Variants in PPP2R2B observed in about 807,000 individuals in gnomAD.
The protein encoded by PPP2R2B is protein phosphatase 2 regulatory subunit Bbeta.
In PPP2R2B, 5 loss-of-function variants were observed where a neutral mutation model predicts 46.0. The observed-to-expected ratio is 0.11, with a 90% CI of 0.06 to 0.23. The LOEUF is 0.23. Among genes scored for constraint, PPP2R2B ranks in the 10% least tolerant of loss-of-function variants. The pLI, the probability that PPP2R2B is intolerant of heterozygous loss-of-function variation, is 1.00. For missense variants in PPP2R2B, 367 were observed against 575.0 expected (o/e 0.64, Z 3.70); for synonymous variants, 215 against 206.7 (o/e 1.04, Z -0.34).
intron 2 of PPP2R2B, among the ~76,000 whole-genome samples, chr5:146,865,330 T>G (rs954584638): frequency 2.8e-5 from 4 of 144,794 alleles, no homozygotes; most frequent in Non-Finnish European, 4.6e-5. Context: ...ACACACACAC[T>G]GAGCCTGGAA....
intron 1 of PPP2R2B, among the ~76,000 whole-genome samples, chr5:146,988,249 G>A (rs1390096578): frequency 2.0e-5 from 3 of 151,814 alleles, no homozygotes; most frequent in Admixed American, 6.5e-5. Context: ...GGAATTAAAC[G>A]ACAGTCTAGA....
intron 2 of PPP2R2B, among the ~76,000 whole-genome samples, chr5:147,072,628 G>T (rs1258636353): frequency 1.3e-5 from 2 of 152,110 alleles, no homozygotes; most frequent in Admixed American, 6.5e-5. Flanking sequence ...TTGCAGCAAA[G>T]GTGGAATGAG....
chr5:146,806,137 GGA>G (rs1451005639), intron 2 of PPP2R2B, among the ~76,000 whole-genome samples: 1 of 152,110 alleles, frequency 6.6e-6, no homozygotes, highest in African/African-American at 2.4e-5. Flanking sequence ...AAGAAGCTAG[GGA>G]GACAGTGTGT....
chr5:146,788,327 A>C (rs1582104882), intron 2 of PPP2R2B, among the ~76,000 whole-genome samples: 1 of 149,434 alleles, frequency 6.7e-6, no homozygotes, highest in Admixed American at 6.7e-5. Flanking sequence ...TCTTTAGCAC[A>C]CCCTGGTTTA....
chr5:147,016,506 A>T (rs975127707), intron 1 of PPP2R2B, among the ~76,000 whole-genome samples: 2 of 151,914 alleles, frequency 1.3e-5, no homozygotes, highest in African/African-American at 2.4e-5. Flanking sequence ...ACTTGTAGTT[A>T]AAAAATATCC....
rs1368107632 is a variant in PPP2R2B at position 146,581,892 on chromosome 5, C to T, written c.*8055G>A. On this transcript the variant is annotated 3_prime_UTR_variant, in exon 10 of 10. Coordinates refer to ENST00000394411, the MANE Select transcript of PPP2R2B (RefSeq NM_181675.4). ...ATATGACTTTCAATTATGCCACAGTCAGAGAAGCTGAAATAAGAAAGCCAC... is the reference window on the plus strand; with the variant it reads ...ATATGACTTTCAATTATGCCACAGTTAGAGAAGCTGAAATAAGAAAGCCAC... 1 of 152,190 alleles carries T rather than the reference C, an allele frequency of 6.6e-6. No individual in the cohort carries two copies. Among genetic ancestry groups the T allele is most frequent in the African/African-American group, 2.4e-5 (1 of 41,442 alleles). The allele number at this position is 152,190 out of a possible 1,614,324, so 9.4% of individuals were successfully genotyped here. A position where few individuals can be genotyped will look rare whatever the true frequency, so the allele number is the denominator to read the frequency against.
At chr5:146,796,679 T>G (rs1756559570) in intron 2 of PPP2R2B, among the ~76,000 whole-genome samples, 1 of 152,164 alleles carries the variant, frequency 6.6e-6, no homozygotes, top group Non-Finnish European at 1.5e-5. Flanking sequence ...GAAGTCCTAT[T>G]TACAAACCTA....
rs141049802 is a variant in PPP2R2B, at chr5:146,929,888, A to G, written c.79+125777T>C. On this transcript the variant is annotated intron_variant, in intron 1 of 8. Coordinates refer to the PPP2R2B transcript ENST00000336640. ...GGTTTGGGGTTAGAATTAAGATAAT[A>G]TAAGTAAAGAGGGCCTAATACATAG... Among the ~76,000 whole-genome samples, 568 of 152,308 alleles carry G rather than the reference A, an allele frequency of 3.7e-3. 11 individuals carry two copies. The highest frequency in any genetic ancestry group is 0.032 in the Admixed American group (486 of 15,274).
At chr5:146,808,220 C>G (rs1249699501) in intron 2 of PPP2R2B, among the ~76,000 whole-genome samples, 2 of 152,156 alleles carry the variant, frequency 1.3e-5, no homozygotes, top group South Asian at 4.1e-4. Context: ...TAGCCACATA[C>G]AGTGATTCAA....
chr5:147,003,305 CA>C (rs901206253), intron 1 of PPP2R2B, among the ~76,000 whole-genome samples: 1 of 151,842 alleles, frequency 6.6e-6, no homozygotes, highest in African/African-American at 2.4e-5. Context: ...TCCAAAGGAC[CA>C]AAAAAACCCC....
chr5:147,062,184 C>G (rs1472350479), intron 2 of PPP2R2B, among the ~76,000 whole-genome samples: 2 of 152,170 alleles, frequency 1.3e-5, no homozygotes, highest in African/African-American at 4.8e-5. Flanking sequence ...GCCCAGAGTA[C>G]TCAGGACCAT....
chr5:146,987,692 G>T (rs998411683), intron 1 of PPP2R2B, among the ~76,000 whole-genome samples: 7 of 151,746 alleles, frequency 4.6e-5, no homozygotes, highest in African/African-American at 1.7e-4. Flanking sequence ...CCCAAAAGAA[G>T]ACAGTAAGAG....
chr5:146,668,472 C>T (rs1224870530), intron 5 of PPP2R2B, among the ~76,000 whole-genome samples: 1 of 152,188 alleles, frequency 6.6e-6, no homozygotes, highest in Non-Finnish European at 1.5e-5. Flanking sequence ...GAGCCCTTTT[C>T]ATGGCAATCA....
intron 5 of PPP2R2B, among the ~76,000 whole-genome samples, chr5:146,686,780 G>A (rs1245253785): frequency 6.6e-6 from 1 of 152,096 alleles, no homozygotes; most frequent in Middle Eastern, 3.2e-3. Context: ...TACCCTGCAG[G>A]GAGAAGTATG....
chr5:146,962,832 G>T (rs1302205228), intron 1 of PPP2R2B, among the ~76,000 whole-genome samples: 4 of 152,014 alleles, frequency 2.6e-5, no homozygotes, highest in Admixed American at 2.6e-4. Flanking sequence ...TCTAACTCAG[G>T]TCTCAATGAC....
chr5:146,641,853 AT>A (rs928316388), intron 6 of PPP2R2B, among the ~76,000 whole-genome samples: 1 of 151,888 alleles, frequency 6.6e-6, no homozygotes, highest in African/African-American at 2.4e-5. Flanking sequence ...AGTCACTTTT[AT>A]TTTTTTTAAT....
chr5:146,797,849 C>T (rs774595594), intron 2 of PPP2R2B, among the ~76,000 whole-genome samples: 23 of 152,288 alleles, frequency 1.5e-4, no homozygotes, highest in Middle Eastern at 3.4e-3. Flanking sequence ...AGCAAGAAAG[C>T]GGCTGCCTAA....
chr5:146,617,257 G>A (rs1367164691), intron 7 of PPP2R2B, among the ~76,000 whole-genome samples: 1 of 152,024 alleles, frequency 6.6e-6, no homozygotes, highest in African/African-American at 2.4e-5. Flanking sequence ...TGGTTAATGG[G>A]TACAAAAAAA....
chr5:146,845,902 C>T (rs1028767062), intron 2 of PPP2R2B, among the ~76,000 whole-genome samples: 2 of 152,124 alleles, frequency 1.3e-5, no homozygotes, highest in Non-Finnish European at 2.9e-5. Context: ...AACACAGTAG[C>T]CACTAACCAC....
Sources: gnomAD v4.1 joint callset for allele counts (sites outside exome capture counted in the v4.1 genomes callset) on GRCh38, gnomAD v4.1.1 for gene constraint, MANE v1.5 for transcripts, NCBI Gene and HGNC (gene_info 2026-07-23, HGNC 2026-07-21) for gene names.